The following EPS15 variants were observed in gnomAD, a reference collection of about 807,000 sequenced individuals.
EPS15 encodes epidermal growth factor receptor pathway substrate 15, also known as epidermal growth factor receptor substrate 15.
In EPS15, 72 loss-of-function variants were observed where a neutral mutation model predicts 113.8. The observed-to-expected ratio is 0.63, with a 90% CI of 0.52 to 0.77. EPS15 has a LOEUF of 0.77. Ranked by LOEUF, EPS15 falls within the 30% of genes least tolerant of loss-of-function variation. EPS15 has a pLI of 0.00. For synonymous variants in EPS15, 344 were observed against 363.4 expected, an observed-to-expected ratio of 0.95 and a Z score of 0.61; for missense variants, 1,048 against 1,045.8, an observed-to-expected ratio of 1.00 and a Z score of -0.03.
chr1:51,505,552 C>G (rs1228723154), intron 1 of EPS15, among the ~76,000 whole-genome samples: 1 of 152,070 alleles, frequency 6.6e-6, no homozygotes, highest in Non-Finnish European at 1.5e-5. Flanking sequence ...CTGAGGGGTA[C>G]AAGTTTCTTT....
chr1:51,386,688 C>A (rs980948886), intron 21 of EPS15, among the ~76,000 whole-genome samples: 1 of 152,040 alleles, frequency 6.6e-6, no homozygotes, highest in African/African-American at 2.4e-5. Context: ...GCCTCAGCAG[C>A]CAATGCGATC....
In EPS15 at chr1:51,512,182, G is replaced by A. The variant is rs1269204145; in HGVS notation, c.33+7017C>T. On this transcript the variant is annotated intron_variant, in intron 1 of 24. Transcript: ENST00000371733. The stretch of plus-strand genomic sequence containing the variant: ...GCTTTTAACAAATTGGGAAACTACA[G>A]GAGTAGCTAAAGAAAATAAGTCACC... 6.6e-5 allele frequency among the ~76,000 whole-genome samples: 10 copies of A among 152,290 alleles called. No homozygotes were observed. The East Asian group carries it at 1.9e-3, about 29-fold the overall frequency.
chr1:51,507,402 C>T (rs745443203), intron 1 of EPS15, among the ~76,000 whole-genome samples: 10 of 152,116 alleles, frequency 6.6e-5, no homozygotes, highest in Non-Finnish European at 1.2e-4. Flanking sequence ...GTGGCTCACA[C>T]CTGTAATCCC....
At chr1:51,417,643 A>G (rs576703333) in intron 13 of EPS15, among the ~76,000 whole-genome samples, 2 of 152,352 alleles carry the variant, frequency 1.3e-5, no homozygotes, top group East Asian at 3.9e-4. Flanking sequence ...GTTCCAACAC[A>G]GGAAAGACTG....
At chr1:51,450,112 T>C (rs1442507929) in intron 8 of EPS15, among the ~76,000 whole-genome samples, 1 of 151,578 alleles carries the variant, frequency 6.6e-6, no homozygotes, top group African/African-American at 2.4e-5. Context: ...GAGGATGTGT[T>C]CTGGTATTTT....
chr1:51,399,308 T>C (rs918256655), intron 19 of EPS15, 143 bp from the exon 20 acceptor site: 2 of 690,232 alleles, frequency 2.9e-6, no homozygotes, highest in African/African-American at 3.6e-5. Context: ...CCCACCACTT[T>C]GGGAGGCTGA....
intron 1 of EPS15, among the ~76,000 whole-genome samples, chr1:51,486,158 C>T (rs1644117561): frequency 6.6e-6 from 1 of 151,152 alleles, no homozygotes; most frequent in African/African-American, 2.4e-5. Flanking sequence ...TGGCTCATGC[C>T]TGTAATCTCA....
At chr1:51,429,884 C>G (rs939588031) in intron 12 of EPS15, among the ~76,000 whole-genome samples, 2 of 152,102 alleles carry the variant, frequency 1.3e-5, no homozygotes, top group Non-Finnish European at 2.9e-5. Context: ...CTCCTGACCT[C>G]AGGTGATCCA....
chr1:51,450,798 A>G (rs1378789258), intron 8 of EPS15, among the ~76,000 whole-genome samples: 1 of 151,878 alleles, frequency 6.6e-6, no homozygotes, highest in East Asian at 1.9e-4. Context: ...CCAAATGCCC[A>G]TCTACAAAAC....
chr1:51,356,798 T>G lies in EPS15; in HGVS notation c.2593A>C (p.Arg865=). Residue 865 remains arginine (R), a synonymous_variant, in exon 25 of 25, where the codon AGA becomes CGA. Transcript: ENST00000371733. The stretch of plus-strand genomic sequence containing the variant: ...CGGGCAAGCCTCTGCTCTTCCTCTC[T>G]CTCACTTTCCCTCTTGGCCCATTCG... ...MIEWAKRESE[R]EEEQRLARLN... 1 of 1,613,896 alleles carries G rather than the reference T, an allele frequency of 6.2e-7. No individual in the cohort carries two copies. Among genetic ancestry groups the G allele is most frequent in the South Asian group, 1.1e-5 (1 of 91,072 alleles).
chr1:51,412,370 T>TATA (rs953793589), intron 13 of EPS15, among the ~76,000 whole-genome samples: 38 of 152,262 alleles, frequency 2.5e-4, no homozygotes, highest in Admixed American at 1.3e-3. Context: ...GAACTTAAAG[T>TATA]ATAATAATAA....
chr1:51,437,486 A>T (rs954102369), intron 12 of EPS15, among the ~76,000 whole-genome samples: 2 of 151,456 alleles, frequency 1.3e-5, no homozygotes, highest in Non-Finnish European at 2.9e-5. Context: ...GGACTAAAAA[A>T]AAAAAATTTT....
rs1457439489 is a variant in EPS15, at chr1:51,508,378, AAGAAAG to A, written c.33+10815_33+10820del. Among the ~76,000 whole-genome samples the A allele has an allele frequency of 2.3e-3, 345 of 149,260 alleles. 4 individuals carry two copies. Among genetic ancestry groups the A allele is most frequent in the African/African-American group, 8.0e-3 (325 of 40,408 alleles). ...AAAGAAAGAAAGAAAGAAAGAAAGA[AAGAAAG>A]AGAAAATTTAAACAAATACATATAA... On this transcript the variant is annotated intron_variant, in intron 1 of 24. Transcript: ENST00000371733.
chr1:51,458,643 G>T (rs1356367066), intron 8 of EPS15: 2 of 408,490 alleles, frequency 4.9e-6, no homozygotes, highest in Non-Finnish European at 5.0e-6. Flanking sequence ...AGGCTGAGGT[G>T]GAAGAATAAC....
chr1:51,459,402 C>T (rs980084320), intron 8 of EPS15, among the ~76,000 whole-genome samples: 1 of 152,058 alleles, frequency 6.6e-6, no homozygotes, highest in South Asian at 2.1e-4. Flanking sequence ...GAGGCTGAGG[C>T]GGGAGAATCG....
At chr1:51,436,025 C>T (rs1026728218) in intron 12 of EPS15, among the ~76,000 whole-genome samples, 5 of 152,142 alleles carry the variant, frequency 3.3e-5, no homozygotes, top group South Asian at 2.1e-4. Flanking sequence ...ATCTATCATA[C>T]GACTGGAGAA....
intron 4 of EPS15, among the ~76,000 whole-genome samples, chr1:51,471,271 T>A (rs1390045921): frequency 6.6e-6 from 1 of 152,218 alleles, no homozygotes; most frequent in Non-Finnish European, 1.5e-5. Context: ...TATAAATCAT[T>A]TTTTGGTTTA....
chr1:51,366,415 T>C (rs1034210364), intron 21 of EPS15, among the ~76,000 whole-genome samples: 3 of 152,308 alleles, frequency 2.0e-5, no homozygotes, highest in Middle Eastern at 3.4e-3. Context: ...ATTCAGACAG[T>C]TGAAAACATA....
At chr1:51,450,408 G>A (rs943314715) in intron 8 of EPS15, among the ~76,000 whole-genome samples, 1 of 151,820 alleles carries the variant, frequency 6.6e-6, no homozygotes, top group African/African-American at 2.4e-5. Flanking sequence ...AATCATGGCA[G>A]AAGGCAAAGG....
Sources: allele counts gnomAD v4.1 joint callset (sites outside exome capture counted in the v4.1 genomes callset), GRCh38; gene constraint gnomAD v4.1.1; transcripts MANE v1.5; gene names NCBI Gene and HGNC (gene_info 2026-07-23, HGNC 2026-07-21).